CYP39A1: variants seen among roughly 807,000 people sequenced by gnomAD.
CYP39A1 encodes cytochrome P450 family 39 subfamily A member 1.
A neutral mutation model predicts 58.1 loss-of-function variants in CYP39A1; 49 were observed. That is an observed-to-expected ratio of 0.84 (90% CI 0.67 to 1.07). CYP39A1 has a LOEUF of 1.07. CYP39A1 is among the 50% of genes least tolerant of loss of function. The probability of loss-of-function intolerance (pLI) is 0.00; values close to 1 mark genes in which losing one functional copy is unlikely to be tolerated. For missense variants in CYP39A1, 531 were observed against 539.4 expected (o/e 0.98, Z 0.16); for synonymous variants, 209 against 187.6 (o/e 1.11, Z -0.93).
In CYP39A1 at chr6:46,633,965, A is replaced by T. The variant is rs537092299; in HGVS notation, c.732+2424T>A. 7.2e-5 allele frequency among the ~76,000 whole-genome samples: 11 copies of T among 152,312 alleles called. No homozygotes were observed. In the South Asian group the frequency reaches 2.1e-3, roughly 29 times the overall value. On this transcript the variant is annotated intron_variant, in intron 5 of 11. Coordinates refer to ENST00000275016, the MANE Select transcript of CYP39A1 (RefSeq NM_016593.5). ...CGCAATACATAAAAAAATAAAGTTA[A>T]ACTGCTCATGGATGTTCAAGTTGAA...
intron 10 of CYP39A1, among the ~76,000 whole-genome samples, chr6:46,562,486 G>A (rs537867867): frequency 6.6e-6 from 1 of 151,970 alleles, no homozygotes; most frequent in South Asian, 2.1e-4. Context: ...ACATTTTAAA[G>A]GCCAGGCATG....
At chr6:46,646,662 A>G (rs1218703977) in intron 1 of CYP39A1, among the ~76,000 whole-genome samples, 1 of 152,102 alleles carries the variant, frequency 6.6e-6, no homozygotes, top group Non-Finnish European at 1.5e-5. Flanking sequence ...CATTTGGTAT[A>G]GTTTTCCAAT....
At chr6:46,640,994 T>C (rs1456270171) in intron 2 of CYP39A1, among the ~76,000 whole-genome samples, 2 of 152,028 alleles carry the variant, frequency 1.3e-5, no homozygotes, top group African/African-American at 4.8e-5. Context: ...ACATATACTA[T>C]GCTGGTATGT....
chr6:46,634,588 C>A (rs1775863953), intron 5 of CYP39A1, among the ~76,000 whole-genome samples: 1 of 141,226 alleles, frequency 7.1e-6, no homozygotes, highest in Non-Finnish European at 1.5e-5. Context: ...GTGGCGCAAT[C>A]TCGGCGCACC....
chr6:46,586,965 T>C, intron 10 of CYP39A1, 112 bp downstream of exon 10: 2 of 715,642 alleles, frequency 2.8e-6, no homozygotes, highest in Non-Finnish European at 4.8e-6. Flanking sequence ...TCTTCTGGAT[T>C]TCCCTATAGT....
chr6:46,582,466 T>C (rs2150504491), intron 10 of CYP39A1, among the ~76,000 whole-genome samples: 1 of 152,290 alleles, frequency 6.6e-6, no homozygotes, highest in South Asian at 2.1e-4. Flanking sequence ...CACTAACATA[T>C]AGGTATATTA....
At chr6:46,569,323 C>T (rs1280904074) in intron 10 of CYP39A1, among the ~76,000 whole-genome samples, 1 of 151,958 alleles carries the variant, frequency 6.6e-6, no homozygotes, top group African/African-American at 2.4e-5. Context: ...TGTGAAGAGT[C>T]ATAATTTTAC....
intron 7 of CYP39A1, among the ~76,000 whole-genome samples, chr6:46,596,379 C>T (rs564905651): frequency 6.6e-6 from 1 of 152,066 alleles, no homozygotes; most frequent in East Asian, 1.9e-4. Context: ...ACTTAGGTTC[C>T]CACAGTCTTA....
chr6:46,568,521 T>C (rs1771414014), intron 10 of CYP39A1, among the ~76,000 whole-genome samples: 1 of 152,146 alleles, frequency 6.6e-6, no homozygotes, highest in Non-Finnish European at 1.5e-5. Flanking sequence ...CTAAGATTTT[T>C]ATAGTTTTAA....
At chr6:46,633,704 A>C (rs561646766) in intron 5 of CYP39A1, among the ~76,000 whole-genome samples, 1 of 152,154 alleles carries the variant, frequency 6.6e-6, no homozygotes, top group Non-Finnish European at 1.5e-5. Context: ...TAAAAATATA[A>C]AAAATAGCCG....
chr6:46,652,348 A>G (rs904717455), intron 1 of CYP39A1, 58 bp downstream of exon 1: 2 of 1,506,284 alleles, frequency 1.3e-6, no homozygotes, highest in Admixed American at 4.3e-5. Context: ...CAATGAAAGA[A>G]AGTTTAAAAA....
At chr6:46,623,480 C>T (rs9296502) in intron 7 of CYP39A1, among the ~76,000 whole-genome samples, 1 of 151,822 alleles carries the variant, frequency 6.6e-6, no homozygotes, top group Admixed American at 6.6e-5. Flanking sequence ...TATTTGAATT[C>T]GTGGGCTCAG....
intron 10 of CYP39A1, among the ~76,000 whole-genome samples, chr6:46,585,127 C>CA (rs879858176): frequency 2.8e-4 from 43 of 151,992 alleles, no homozygotes; most frequent in Admixed American, 2.4e-3. Flanking sequence ...CTTTCAAACT[C>CA]AAAAAAATGT....
chr6:46,611,443 C>T (rs1197360722), intron 7 of CYP39A1, among the ~76,000 whole-genome samples: 2 of 152,198 alleles, frequency 1.3e-5, no homozygotes, highest in Non-Finnish European at 2.9e-5. Context: ...GACAGGCTGA[C>T]CCTCCCAACT....
chr6:46,617,289 T>C (rs1424410173), intron 7 of CYP39A1, among the ~76,000 whole-genome samples: 2 of 152,206 alleles, frequency 1.3e-5, no homozygotes, highest in East Asian at 3.8e-4. Flanking sequence ...TTTATAACTA[T>C]ATTAGAATTA....
intron 1 of CYP39A1, among the ~76,000 whole-genome samples, chr6:46,645,597 G>A (rs1762273279): frequency 6.6e-6 from 1 of 152,008 alleles, no homozygotes; most frequent in Admixed American, 6.6e-5. Context: ...GAAATTGAGT[G>A]GAATGATTCC....
At chr6:46,628,467 TA>T (rs35608868) in intron 6 of CYP39A1, among the ~76,000 whole-genome samples, 3 of 152,184 alleles carry the variant, frequency 2.0e-5, no homozygotes, top group African/African-American at 7.2e-5. Flanking sequence ...AGAAATCTTC[TA>T]AAAAAATCAT....
chr6:46,612,393 G>A (rs1774269099), intron 7 of CYP39A1, among the ~76,000 whole-genome samples: 1 of 152,188 alleles, frequency 6.6e-6, no homozygotes, highest in Non-Finnish European at 1.5e-5. Context: ...TCAAGGCCAA[G>A]GGAATAAGAA....
intron 7 of CYP39A1, among the ~76,000 whole-genome samples, chr6:46,615,525 G>A (rs995616224): frequency 7.2e-5 from 11 of 151,810 alleles, no homozygotes; most frequent in African/African-American, 2.4e-4. Flanking sequence ...CCTGTGTACT[G>A]GTGTCATATT....
Sources: gnomAD v4.1 joint callset for allele counts (sites outside exome capture counted in the v4.1 genomes callset) on GRCh38, gnomAD v4.1.1 for gene constraint, MANE v1.5 for transcripts, NCBI Gene and HGNC (gene_info 2026-07-23, HGNC 2026-07-21) for gene names.